The following CNIH3 variants were observed in gnomAD, a reference collection of about 807,000 sequenced individuals.
The protein encoded by CNIH3 is protein cornichon homolog 3.
CNIH3 carries 14 observed loss-of-function variants against 24.1 expected under a neutral mutation model. The observed-to-expected ratio is 0.58, with a 90% CI of 0.38 to 0.91. CNIH3 has a LOEUF of 0.91. Ranked by LOEUF, CNIH3 falls within the 40% of genes least tolerant of loss-of-function variation. The probability of loss-of-function intolerance (pLI) is 0.00; values close to 1 mark genes in which losing one functional copy is unlikely to be tolerated. For missense variants in CNIH3, 178 were observed against 196.8 expected (o/e 0.90, Z 0.57); for synonymous variants, 68 against 73.8 (o/e 0.92, Z 0.40).
intron 1 of CNIH3, among the ~76,000 whole-genome samples, chr1:224,656,047 A>G (rs1685079489): frequency 6.6e-6 from 1 of 152,208 alleles, no homozygotes; most frequent in African/African-American, 2.4e-5. Context: ...GTTTATTCAA[A>G]AAACCAGAAG....
chr1:224,494,023 G>T (rs1447327668), intron 1 of CNIH3, among the ~76,000 whole-genome samples: 3 of 152,182 alleles, frequency 2.0e-5, no homozygotes, highest in Admixed American at 2.0e-4. Flanking sequence ...ATCAGATGTG[G>T]TTCTTCAAAT....
intron 1 of CNIH3, among the ~76,000 whole-genome samples, chr1:224,619,105 C>T (rs1683164435): frequency 6.6e-6 from 1 of 152,230 alleles, no homozygotes. Flanking sequence ...CAGAGGGTGT[C>T]AGGTACCAGA....
intron 1 of CNIH3, among the ~76,000 whole-genome samples, chr1:224,624,720 A>G (rs1219654915): frequency 6.6e-6 from 1 of 152,164 alleles, no homozygotes; most frequent in Non-Finnish European, 1.5e-5. Flanking sequence ...AATACCTGAA[A>G]GGATCCTTCC....
intron 3 of CNIH3, among the ~76,000 whole-genome samples, chr1:224,691,804 T>C (rs953943766): frequency 1.3e-5 from 2 of 152,328 alleles, no homozygotes; most frequent in East Asian, 3.9e-4. Flanking sequence ...GTGGCACTTC[T>C]AAAAGGGGAA....
At chr1:224,621,323 C>T (rs1344440530) in intron 1 of CNIH3, among the ~76,000 whole-genome samples, 3 of 152,218 alleles carry the variant, frequency 2.0e-5, no homozygotes, top group Non-Finnish European at 4.4e-5. Flanking sequence ...TTGTCACAGG[C>T]TCAGCCTCTG....
chr1:224,703,362 C>T lies in CNIH3; in HGVS notation c.198+18519C>T, dbSNP rs960945100. On this transcript the variant is annotated intron_variant, in intron 3 of 5. Transcript: ENST00000272133. The surrounding 1 kb of genome is among the most constrained non-coding windows in gnomAD (Gnocchi z 4.2). The stretch of plus-strand genomic sequence containing the variant: ...GCAGAGGGGCTCAAACTTTGCCGCA[C>T]ATTAGAATCACCTGGGGGAAATTTT... Among the ~76,000 whole-genome samples the T allele has an allele frequency of 5.3e-5, 8 of 152,106 alleles. No homozygotes were observed. The highest frequency in any genetic ancestry group is 3.3e-4 in the Admixed American group (5 of 15,286).
chr1:224,638,679 A>C (rs965289080), intron 1 of CNIH3, among the ~76,000 whole-genome samples: 3 of 152,176 alleles, frequency 2.0e-5, no homozygotes, highest in Admixed American at 6.5e-5. Flanking sequence ...TTTAGCTCCC[A>C]AGTGATTAGA....
At chr1:224,507,784 G>A (rs1001684241) in intron 1 of CNIH3, among the ~76,000 whole-genome samples, 6 of 152,148 alleles carry the variant, frequency 3.9e-5, no homozygotes, top group African/African-American at 1.4e-4. Flanking sequence ...AAGAGTTCAG[G>A]CTTCTTATTA....
chr1:224,485,618 A>G (rs1676998378), intron 1 of CNIH3, among the ~76,000 whole-genome samples: 1 of 152,040 alleles, frequency 6.6e-6, no homozygotes, highest in Non-Finnish European at 1.5e-5. Flanking sequence ...TCAGCCTCCC[A>G]AGTAGCTGGG....
chr1:224,521,361 AG>A (rs1039808772), intron 2 of CNIH3: 3 of 111,152 alleles, frequency 2.7e-5, no homozygotes, highest in Non-Finnish European at 5.8e-5. Context: ...GGCACATGAT[AG>A]GGGTTGTCAC....
At chr1:224,461,860 T>C (rs1436731308) in intron 1 of CNIH3, among the ~76,000 whole-genome samples, 1 of 152,230 alleles carries the variant, frequency 6.6e-6, no homozygotes, top group Non-Finnish European at 1.5e-5. Context: ...TTTCTATATA[T>C]TTACTTATTC....
chr1:224,683,097 A>G (rs1686482338), intron 2 of CNIH3, among the ~76,000 whole-genome samples: 1 of 152,250 alleles, frequency 6.6e-6, no homozygotes, highest in Admixed American at 6.5e-5. Context: ...ATTTGCACAT[A>G]GTAGGTGCTC....
At chr1:224,557,172 CTGGGG>C (rs1680171897) in intron 3 of CNIH3, among the ~76,000 whole-genome samples, 1 of 152,102 alleles carries the variant, frequency 6.6e-6, no homozygotes, top group Non-Finnish European at 1.5e-5. Context: ...CTCCTAGTAG[CTGGGG>C]CCACAGGCAT....
chr1:224,647,633 C>G (rs1349731695), intron 1 of CNIH3, among the ~76,000 whole-genome samples: 4 of 152,104 alleles, frequency 2.6e-5, no homozygotes. Flanking sequence ...GAAAGTGAAG[C>G]CTGGAAACTT....
intron 2 of CNIH3, among the ~76,000 whole-genome samples, chr1:224,543,842 C>T (rs1454259408): frequency 1.3e-5 from 2 of 152,056 alleles, no homozygotes; most frequent in Non-Finnish European, 2.9e-5. Context: ...GCTTGGAATA[C>T]CTTTCTTCCA....
At chr1:224,662,990 C>G (rs1290786604) in intron 1 of CNIH3, among the ~76,000 whole-genome samples, 3 of 152,144 alleles carry the variant, frequency 2.0e-5, no homozygotes, top group Non-Finnish European at 2.9e-5. Context: ...AGAAGAACAT[C>G]ATGTATGAGG....
intron 1 of CNIH3, among the ~76,000 whole-genome samples, chr1:224,516,508 G>A (rs1390543674): frequency 6.6e-6 from 1 of 152,072 alleles, no homozygotes; most frequent in African/African-American, 2.4e-5. Flanking sequence ...TGTTTTCAAA[G>A]CCTAGCTCAA....
intron 3 of CNIH3, among the ~76,000 whole-genome samples, chr1:224,557,456 A>G (rs961470865): frequency 1.3e-5 from 2 of 152,034 alleles, no homozygotes; most frequent in African/African-American, 4.8e-5. Context: ...TGAGGGGTTC[A>G]AGAGTCCTCA....
chr1:224,672,933 G>A (rs558759464), intron 1 of CNIH3, among the ~76,000 whole-genome samples: 45 of 152,310 alleles, frequency 3.0e-4, no homozygotes, highest in Non-Finnish European at 5.1e-4. Flanking sequence ...AGAAAACTGC[G>A]CAGCTTTTCC....
Sources: gnomAD v4.1 joint callset for allele counts (sites outside exome capture counted in the v4.1 genomes callset) on GRCh38, gnomAD v4.1.1 for gene constraint, Gnocchi (gnomAD v3.1) non-coding constraint, MANE v1.5 for transcripts, NCBI Gene and HGNC (gene_info 2026-07-23, HGNC 2026-07-21) for gene names.